Variants in ZNF668 observed in about 807,000 individuals in gnomAD.
ZNF668 encodes the protein zinc finger protein 668.
ZNF668 carries 10 observed loss-of-function variants against 40.3 expected under a neutral mutation model. That is an observed-to-expected ratio of 0.25 (90% CI 0.15 to 0.42). The LOEUF (loss-of-function observed/expected upper bound fraction) is 0.42. ZNF668 is among the 10% of genes least tolerant of loss of function. The pLI is 1.00. For missense variants in ZNF668, 749 were observed against 904.6 expected, an observed-to-expected ratio of 0.83 and a Z score of 2.21; for synonymous variants, 428 against 384.6, an observed-to-expected ratio of 1.11 and a Z score of -1.32.
At chr16:31,067,541 A>G (rs1023237120) in intron 1 of ZNF668, among the ~76,000 whole-genome samples, 1 of 152,216 alleles carries the variant, frequency 6.6e-6, no homozygotes, top group African/African-American at 2.4e-5. Flanking sequence ...TGAAAAATGG[A>G]GATAATGACA....
In ZNF668 at chr16:31,064,358, C is replaced by T. The variant is rs751555045; in HGVS notation, c.102G>A (p.Ala34=). 5 of 1,613,798 alleles carry T rather than the reference C, an allele frequency of 3.1e-6. No homozygotes were observed. The African/African-American group carries it at 6.7e-5, about 22-fold the overall frequency. Residue 34 remains alanine, a synonymous_variant, in exon 2 of 3, where the codon GCG becomes GCA. Transcript: ENST00000300849. ...TGGCAGCGTGGCGCGCTGCCCTGGG[C>T]GCGTTTGGAAATGTCTTGGTACAGG... ...CLSCTKTFPN[A]PRAARHAATH... is the part of the protein sequence containing the mutation.
In ZNF668 at chr16:31,061,021, C is replaced by T. The variant is rs754832189; in HGVS notation, c.*47G>A. On this transcript the variant is annotated 3_prime_UTR_variant, in exon 3 of 3. Transcript: ENST00000300849. This position sits in a 1 kb window ranked among gnomAD's most constrained non-coding sequence, Gnocchi z 7.7. Reference sequence around the variant, plus strand: ...GGCAAAAGGAGGTACAGGAAGCCCCCGATGGGGGCTGGGCTCCCGGAGTGT... The same window carrying T: ...GGCAAAAGGAGGTACAGGAAGCCCCTGATGGGGGCTGGGCTCCCGGAGTGT... The T allele has an allele frequency of 4.5e-5, 64 of 1,427,112 alleles. No homozygotes were observed. The highest frequency in any genetic ancestry group is 1.6e-4 in the African/African-American group (11 of 68,526). 88.4% of individuals were successfully genotyped at this position (1,427,112 alleles called of 1,614,324 possible).
chr16:31,066,450 G>T, intron 1 of ZNF668: 1 of 855,906 alleles, frequency 1.2e-6, no homozygotes, highest in Non-Finnish European at 1.4e-6. Flanking sequence ...CCAGCTACGT[G>T]GGAGGCTGAG....
intron 1 of ZNF668, among the ~76,000 whole-genome samples, chr16:31,070,668 G>A (rs1307277533): frequency 6.6e-6 from 1 of 151,600 alleles, no homozygotes; most frequent in South Asian, 2.1e-4. Flanking sequence ...AGCCTCCCGA[G>A]TAGCTGGAAT....
At position 31,064,307 on chromosome 16, in the gene ZNF668, T is replaced by C; in HGVS notation, c.153A>G (p.Glu51=). ...AATHGPADCS[E]EVAEVKPKPE... ...GCTTTGGCTTCACCTCGGCCACCTC[T>C]TCAGAGCAGTCTGCCGGCCCATGTG... The change falls in exon 2 of 3, where the codon GAA becomes GAG. Residue 51 remains glutamate, a synonymous_variant. Coordinates refer to ENST00000300849, the MANE Select transcript of ZNF668 (RefSeq NM_024706.5). 1 of 1,613,946 alleles carries C rather than the reference T, an allele frequency of 6.2e-7. No homozygotes were observed. The highest frequency in any genetic ancestry group is 8.5e-7 in the Non-Finnish European group (1 of 1,180,032).
intron 1 of ZNF668, among the ~76,000 whole-genome samples, chr16:31,066,701 CTCAA>C (rs148240339): frequency 0.16 from 24,643 of 150,290 alleles, 2,483 homozygotes; most frequent in Non-Finnish European, 0.23. Context: ...AAGACACTGT[CTCAA>C]TCAATCAATC....
chr16:31,061,275 C>A lies in ZNF668; in HGVS notation c.1653G>T (p.Lys551Asn), dbSNP rs2056920647. The A allele has an allele frequency of 1.9e-6, 3 of 1,556,980 alleles. No homozygotes were observed. In the East Asian group the frequency reaches 6.7e-5, roughly 35 times the overall value. The change falls in exon 3 of 3, where the codon AAG becomes AAT. Residue 551 changes from lysine to asparagine, a missense_variant. Around this residue, in one of 4 missense-constraint regions of ZNF668, gnomAD observed 310 missense variants for 355.1 expected, o/e 0.87. Coordinates refer to ENST00000300849, the MANE Select transcript of ZNF668 (RefSeq NM_024706.5). This position sits in a 1 kb window ranked among gnomAD's most constrained non-coding sequence, Gnocchi z 7.7. ...GCAGCCCAGCCCGGTCAGAGAAGCT[C>A]TTGCCGCACTGGGTGCAGGGGAAGG... Reference protein sequence around the residue: ...LRPFPCTQCGKSFSDRAGLRK... With the variant: ...LRPFPCTQCGNSFSDRAGLRK...
At chr16:31,064,517 C>A (rs747181891) in intron 1 of ZNF668, 36 bp from the exon 2 acceptor site, 27 of 1,600,022 alleles carry the variant, frequency 1.7e-5, no homozygotes, top group Non-Finnish European at 2.1e-5. Context: ...AAGCCACATA[C>A]CTTCGCCACT....
chr16:31,063,090 G>A (rs113357965), intron 2 of ZNF668, among the ~76,000 whole-genome samples: 4 of 150,820 alleles, frequency 2.7e-5, no homozygotes, highest in Non-Finnish European at 4.4e-5. Flanking sequence ...TCAAAACTCC[G>A]TCTCAAAAAA....
intron 2 of ZNF668, chr16:31,062,789 G>GAAAAAAA (rs71151444): frequency 8.2e-6 from 1 of 122,530 alleles, no homozygotes; most frequent in Admixed American, 9.3e-5. Context: ...AAAAGAAAAA[G>GAAAAAAA]AAAAAAAAAA....
chr16:31,064,347 G>A lies in ZNF668; in HGVS notation c.113C>T (p.Ala38Val), dbSNP rs1206562270. ...TKTFPNAPRAARHAATHGPAD... is the reference protein window; with the variant it reads ...TKTFPNAPRAVRHAATHGPAD... ...CGGCCCATGTGTGGCAGCGTGGCGC[G>A]CTGCCCTGGGCGCGTTTGGAAATGT... Residue 38 changes from alanine (A) to valine (V), a missense_variant, in exon 2 of 3, where the codon GCG becomes GTG. Ala to Val is a moderately conservative substitution (Grantham distance 64). Coordinates refer to ENST00000300849, the MANE Select transcript of ZNF668 (RefSeq NM_024706.5). 1.9e-6 allele frequency: 3 copies of A among 1,613,916 alleles called. No homozygotes were observed. The highest frequency in any genetic ancestry group is 3.3e-5 in the Admixed American group (2 of 60,034).
In ZNF668 at chr16:31,062,544, G is replaced by A. The variant is rs528238618; in HGVS notation, c.648-264C>T. 9.5e-5 allele frequency: 41 copies of A among 432,624 alleles called. 2 individuals are homozygous for A. In the East Asian group the frequency reaches 1.7e-3, roughly 17 times the overall value. The allele number at this position is 432,624 out of a possible 1,614,324, so 26.8% of individuals were successfully genotyped here. A position where few individuals can be genotyped will look rare whatever the true frequency, so the allele number is the denominator to read the frequency against. On this transcript the variant is annotated intron_variant, in intron 2 of 2. Transcript: ENST00000300849. ...GCCTGTAATTCCAGCACTTTGGGAG[G>A]CCGAGGTCAGGAGATCGAGACCATC...
chr16:31,069,733 T>G (rs2057001733), intron 1 of ZNF668, among the ~76,000 whole-genome samples: 2 of 150,196 alleles, frequency 1.3e-5, no homozygotes, highest in African/African-American at 4.9e-5. Flanking sequence ...GCCTCCTAAG[T>G]AGCTGGGACT....
intron 2 of ZNF668, chr16:31,062,620 C>T (rs2056941249): frequency 9.5e-6 from 2 of 209,570 alleles, no homozygotes; most frequent in Non-Finnish European, 1.9e-5. Flanking sequence ...AAAAATTAGC[C>T]AGGCGTGGTG....
chr16:31,070,301 G>A (rs145958231), intron 1 of ZNF668, among the ~76,000 whole-genome samples: 348 of 148,818 alleles, frequency 2.3e-3, no homozygotes, highest in African/African-American at 8.2e-3. Flanking sequence ...TCCGCCTCCC[G>A]GGTTCAAGCG....
rs1223099382 is a variant in ZNF668, at chr16:31,061,752, G to A, written c.1176C>T (p.Phe392=). ...AGGATTTCCCACATGCGTTACAGTGGAAGGGGCGCTCCCCCGAGTGCACCC... is the reference window on the plus strand; with the variant it reads ...AGGATTTCCCACATGCGTTACAGTGAAAGGGGCGCTCCCCCGAGTGCACCC... ...HSRVHSGERP[F]HCNACGKSFV... The change falls in exon 3 of 3, where the codon TTC becomes TTT. Residue 392 remains phenylalanine, a synonymous_variant. Transcript: ENST00000300849. The surrounding 1 kb of genome is among the most constrained non-coding windows in gnomAD (Gnocchi z 7.7). 1.2e-6 allele frequency: 2 copies of A among 1,613,228 alleles called. No individual in the cohort carries two copies. The highest frequency in any genetic ancestry group is 2.7e-5 in the African/African-American group (2 of 74,926).
chr16:31,063,354 C>T (rs1044046296), intron 2 of ZNF668, among the ~76,000 whole-genome samples: 3 of 151,976 alleles, frequency 2.0e-5, no homozygotes, highest in African/African-American at 4.8e-5. Context: ...TGGTCTTGAA[C>T]TCTTGGGCTC....
rs184892799 is a variant in ZNF668 at position 31,062,518 on chromosome 16, C to T, written c.648-238G>A. 45 of 520,654 alleles carry T rather than the reference C, an allele frequency of 8.6e-5. 1 individual carries two copies. In the East Asian group the frequency reaches 1.4e-3, roughly 16 times the overall value. 32.3% of individuals were successfully genotyped at this position (520,654 alleles called of 1,614,324 possible). A position where few individuals can be genotyped will look rare whatever the true frequency, so the allele number is the denominator to read the frequency against. ...GATATGGGCCGGGCGCGGTGGCTCA[C>T]GCCTGTAATTCCAGCACTTTGGGAG... On this transcript the variant is annotated intron_variant, in intron 2 of 2. Transcript: ENST00000300849.
intron 1 of ZNF668, among the ~76,000 whole-genome samples, chr16:31,067,882 C>T (rs766024215): frequency 5.3e-5 from 8 of 152,040 alleles, no homozygotes; most frequent in Non-Finnish European, 8.8e-5. Context: ...CTCCGCCAGC[C>T]CCACAGTGAC....
Sources: allele counts gnomAD v4.1 joint callset (sites outside exome capture counted in the v4.1 genomes callset), GRCh38; gene constraint gnomAD v4.1.1; regional missense constraint gnomAD v4.1.1; non-coding constraint Gnocchi (gnomAD v3.1); transcripts MANE v1.5; gene names NCBI Gene and HGNC (gene_info 2026-07-23, HGNC 2026-07-21).